KANK3: variants seen among roughly 807,000 people sequenced by gnomAD.
KANK3 encodes the protein KN motif and ankyrin repeat domains 3.
KANK3 carries 61 observed loss-of-function variants against 65.4 expected under a neutral mutation model. The observed-to-expected ratio is 0.93, with a 90% CI of 0.76 to 1.15. KANK3 has a LOEUF of 1.15. KANK3 is among the 50% of genes most tolerant of loss of function. The pLI is 0.00. For missense variants in KANK3, 1,187 were observed against 1,178.8 expected (o/e 1.01, Z -0.10); for synonymous variants, 586 against 543.3 (o/e 1.08, Z -1.09).
At chr19:8,338,963 G>T (rs1970687090) in intron 1 of KANK3, among the ~76,000 whole-genome samples, 1 of 151,818 alleles carries the variant, frequency 6.6e-6, no homozygotes, top group African/African-American at 2.4e-5. Context: ...GGAATGATGG[G>T]GAATTGCGGG....
Position 8,331,146 on chromosome 19 carries a change from GATCA to G in KANK3, c.1936+1864_1936+1867del, listed in dbSNP as rs1317771321. On this transcript the variant is annotated intron_variant, in intron 7 of 10. Transcript: ENST00000330915. ...AGGCGTAGGTTGCAGTGAGCAGAGA[GATCA>G]TGCCACTGCACTCCAGCCTGGGCGA... 6.7e-4 allele frequency among the ~76,000 whole-genome samples: 100 copies of G among 149,602 alleles called. 1 individual carries two copies. The highest frequency in any genetic ancestry group is 2.2e-3 in the African/African-American group (90 of 40,716).
intron 7 of KANK3, among the ~76,000 whole-genome samples, chr19:8,329,781 A>G (rs1049780154): frequency 1.3e-5 from 2 of 152,172 alleles, no homozygotes; most frequent in African/African-American, 4.8e-5. Flanking sequence ...GCTCACTGTC[A>G]ATCTTAGGCT....
rs552195061 is a variant in KANK3 at position 8,337,697 on chromosome 19, T to C, written c.34+98A>G. The stretch of plus-strand genomic sequence containing the variant: ...GCAGGCTCATGACATTGGAGAGGAC[T>C]GCACTCTAGGGCTGTAGGCTGCGTC... On this transcript the variant is annotated intron_variant, in intron 2 of 10. Transcript: ENST00000330915. 5 of 1,397,252 alleles carry C rather than the reference T, an allele frequency of 3.6e-6. No homozygotes were observed. In the South Asian group the frequency reaches 5.8e-5, roughly 16 times the overall value. 86.6% of individuals were successfully genotyped at this position (1,397,252 alleles called of 1,614,324 possible).
At chr19:8,339,980 A>AG (rs113055199) in intron 1 of KANK3, among the ~76,000 whole-genome samples, 22,636 of 94,468 alleles carry the variant, frequency 0.24, 2,470 homozygotes, top group Admixed American at 0.3. Flanking sequence ...AAAAAAAAAA[A>AG]AAAAGAAAAG....
In KANK3 at chr19:8,333,087, G is replaced by A. The variant is rs1003437969; in HGVS notation, c.1863C>T (p.Gly621=). 6.2e-7 allele frequency: 1 copy of A among 1,610,402 alleles called. No individual in the cohort carries two copies. Residue 621 remains glycine (G), a synonymous_variant, in exon 7 of 11, where the codon GGC becomes GGT. Coordinates refer to ENST00000330915, the MANE Select transcript of KANK3 (RefSeq NM_198471.3). This position sits in a 1 kb window ranked among gnomAD's most constrained non-coding sequence, Gnocchi z 5.0. ...LLAHVVNLAD[G]NGNTALHYSV... ...TGTAGTGCAGGGCCGTGTTCCCGTT[G>A]CCATCCGCCAGGTTCACCACGTGCG...
At chr19:8,335,890 T>C (rs1024056602) in intron 2 of KANK3, 98 bp from the exon 3 acceptor site, 4 of 810,620 alleles carry the variant, frequency 4.9e-6, no homozygotes, top group Non-Finnish European at 6.6e-6. Flanking sequence ...TGCCCACGCT[T>C]CACACCTATC....
intron 1 of KANK3, among the ~76,000 whole-genome samples, chr19:8,340,388 G>A (rs1467560863): frequency 2.0e-5 from 3 of 152,018 alleles, no homozygotes; most frequent in Non-Finnish European, 4.4e-5. Flanking sequence ...TGGAGAAACT[G>A]AGGCACAGAA....
chr19:8,324,629 C>A lies in KANK3; in HGVS notation c.2283+1G>T. 6.2e-7 allele frequency: 1 copy of A among 1,613,990 alleles called. No individual in the cohort carries two copies. The highest frequency in any genetic ancestry group is 1.1e-5 in the South Asian group (1 of 91,080). The stretch of plus-strand genomic sequence containing the variant: ...ATGCCAGCCCCATTGTGGGGTCTTA[C>A]ATTGTCCAGGATGGCAGGGTCACAG... On this transcript the variant is annotated splice_donor_variant, in intron 9 of 10. Transcript: ENST00000330915. LOFTEE classifies it high-confidence loss of function.
intron 7 of KANK3, among the ~76,000 whole-genome samples, chr19:8,326,579 A>C (rs1285265214): frequency 1.4e-5 from 2 of 147,362 alleles, no homozygotes; most frequent in Admixed American, 6.9e-5. Flanking sequence ...TGAGGTCAGG[A>C]GATTGAGATC....
Position 8,322,899 on chromosome 19 carries a change from CTG to C in KANK3, c.2404_2405del (p.Gln802AspfsTer6), listed in dbSNP as rs1970345961. 6.4e-7 allele frequency: 1 copy of C among 1,554,984 alleles called. No homozygotes were observed. The highest frequency in any genetic ancestry group is 2.0e-5 in the Admixed American group (1 of 50,808). On this transcript the variant is annotated frameshift_variant, in exon 11 of 11. Coordinates refer to ENST00000330915, the MANE Select transcript of KANK3 (RefSeq NM_198471.3). LOFTEE classifies it low-confidence loss of function (END_TRUNC). ...ATTCTCCTTCACCAGGTGTGGCTGT[CTG>C]GGAGCCAGGGGGTGACTCGCTCTGG... is the stretch of plus-strand genomic sequence containing the variant. ...DTQSESPPGS[Q>X]TATPGEGECG...
intron 7 of KANK3, among the ~76,000 whole-genome samples, chr19:8,325,940 C>T (rs1212635554): frequency 6.6e-6 from 1 of 151,688 alleles, no homozygotes; most frequent in Non-Finnish European, 1.5e-5. Context: ...GATTCTTCTG[C>T]CTTGGCCACT....
chr19:8,334,350 C>T lies in KANK3; in HGVS notation c.1397G>A (p.Ser466Asn). The change falls in exon 4 of 11, where the codon AGC becomes AAC. Residue 466 changes from serine (S) to asparagine (N), a missense_variant. By Grantham distance (46) the Ser-to-Asn change is conservative. Around this residue, in one of 3 missense-constraint regions of KANK3, gnomAD observed 1,078 missense variants for 1,038.2 expected, o/e 1.04. Transcript: ENST00000330915. ...GTTGAGGACCCCAACAAACTGCAGG[C>T]TCTTGGGTCCGGAGCTGGGTTGGGC... ...PGAQPSSGPK[S>N]LQFVGVLNGE... 1 of 1,614,148 alleles carries T rather than the reference C, an allele frequency of 6.2e-7. No individual in the cohort carries two copies. The highest frequency in any genetic ancestry group is 1.1e-5 in the South Asian group (1 of 91,086).
At chr19:8,327,987 G>C (rs568266436) in intron 7 of KANK3, among the ~76,000 whole-genome samples, 28 of 152,202 alleles carry the variant, frequency 1.8e-4, no homozygotes, top group African/African-American at 6.7e-4. Flanking sequence ...CTTAACTAAA[G>C]AATCACCCTG....
chr19:8,322,936 A>T lies in KANK3; in HGVS notation c.2383-14T>A, dbSNP rs201986029. On this transcript the variant is annotated splice_polypyrimidine_tract_variant and intron_variant, in intron 10 of 10. Coordinates refer to ENST00000330915, the MANE Select transcript of KANK3 (RefSeq NM_198471.3). ...GGGTGACTCGCTCTGGAGAGAGGGG[A>T]AAAGAGGGGGGCCTGCTGCAATCTC... 12,451 of 1,415,690 alleles carry T rather than the reference A, an allele frequency of 8.8e-3. 79 individuals are homozygous for T. Among genetic ancestry groups the T allele is most frequent in the Non-Finnish European group, 0.01 (11,042 of 1,051,794 alleles). The allele number at this position is 1,415,690 out of a possible 1,614,324, so 87.7% of individuals were successfully genotyped here.
At chr19:8,339,891 G>A (rs1319945776) in intron 1 of KANK3, among the ~76,000 whole-genome samples, 2 of 149,330 alleles carry the variant, frequency 1.3e-5, no homozygotes, top group East Asian at 3.9e-4. Flanking sequence ...TTGAGTCCAG[G>A]AGATGCAGGC....
chr19:8,340,837 GGGGTGGATCAACAGGCCAGC>G (rs1970714957), intron 1 of KANK3, among the ~76,000 whole-genome samples: 1 of 152,226 alleles, frequency 6.6e-6, no homozygotes, highest in South Asian at 2.1e-4. Context: ...CCAGCTGCAA[GGGGTGGATCAACAGGCCAGC>G]GGGTCATCGC....
Position 8,333,783 on chromosome 19 carries a change from C to T in KANK3, c.1660G>A (p.Glu554Lys). ...GRCELSPRLR[E>K]ACVALQRQLS... ...TGCCGCTGCAGCGCTACGCACGCCT[C>T]CCTCAGACGCGGGCTCAGCTCGCAC... is the stretch of plus-strand genomic sequence containing the variant. The change falls in exon 6 of 11, where the codon GAG becomes AAG. Residue 554 changes from glutamate (E) to lysine (K), a missense_variant. Glu to Lys is a moderately conservative substitution (Grantham distance 56). Coordinates refer to ENST00000330915, the MANE Select transcript of KANK3 (RefSeq NM_198471.3). This position sits in a 1 kb window ranked among gnomAD's most constrained non-coding sequence, Gnocchi z 5.0. 6.6e-7 allele frequency: 1 copy of T among 1,519,830 alleles called. No individual in the cohort carries two copies. The highest frequency in any genetic ancestry group is 8.8e-7 in the Non-Finnish European group (1 of 1,130,624). 94.1% of individuals were successfully genotyped at this position (1,519,830 alleles called of 1,614,324 possible). A position where few individuals can be genotyped will look rare whatever the true frequency, so the allele number is the denominator to read the frequency against.
Position 8,334,654 on chromosome 19 carries a change from C to T in KANK3, c.1173G>A (p.Ala391=). The change falls in exon 3 of 11, where the codon GCG becomes GCA. Residue 391 remains alanine, a synonymous_variant. Transcript: ENST00000330915. ...CCTCGCGTAGCTGGGCCCGGGCCCC[C>T]GCCGCTGCCTCCTCCGCAGCCTCGC... ...EAREAAEEAA[A]GARAQLREAT... The T allele has an allele frequency of 1.9e-6, 3 of 1,541,370 alleles. No individual in the cohort carries two copies. Among genetic ancestry groups the T allele is most frequent in the Non-Finnish European group, 1.7e-6 (2 of 1,150,608 alleles).
chr19:8,323,009 G>A, intron 10 of KANK3, 87 bp from the exon 11 acceptor site: 2 of 754,834 alleles, frequency 2.6e-6, no homozygotes, highest in Non-Finnish European at 4.1e-6. Flanking sequence ...CTTAGTGGAG[G>A]TTCTTTTACC....
Sources: gnomAD v4.1 joint callset for allele counts (sites outside exome capture counted in the v4.1 genomes callset) on GRCh38, gnomAD v4.1.1 for gene constraint, gnomAD v4.1.1 regional missense constraint, Gnocchi (gnomAD v3.1) non-coding constraint, MANE v1.5 for transcripts, NCBI Gene and HGNC (gene_info 2026-07-23, HGNC 2026-07-21) for gene names.